Variants in MAML3 observed in about 807,000 individuals in gnomAD.
The protein encoded by MAML3 is mastermind-like protein 3.
Under a neutral mutation model 101.9 loss-of-function variants are expected in MAML3, and 27 were observed. The observed-to-expected ratio is 0.27, with a 90% CI of 0.20 to 0.37. The LOEUF (loss-of-function observed/expected upper bound fraction) is 0.37, where lower values mean the gene tolerates loss of function less well. Among genes scored for constraint, MAML3 ranks in the 10% least tolerant of loss-of-function variants. MAML3 has a pLI of 1.00. For missense variants in MAML3, 1,316 were observed against 1,444.9 expected (o/e 0.91, Z 1.45); for synonymous variants, 501 against 555.9 (o/e 0.90, Z 1.39).
At chr4:139,898,732 A>G (rs1361442581) in intron 1 of MAML3, among the ~76,000 whole-genome samples, 1 of 152,252 alleles carries the variant, frequency 6.6e-6, no homozygotes, top group Non-Finnish European at 1.5e-5. Flanking sequence ...CAATTATCAC[A>G]TGCTTATTCT....
At chr4:140,134,595 T>C (rs1285395384) in intron 1 of MAML3, 1 of 333,064 alleles carries the variant, frequency 3.0e-6, no homozygotes, top group Non-Finnish European at 5.9e-6. Flanking sequence ...GATGAGTGAT[T>C]AGAAAAACAC....
chr4:139,963,279 C>T (rs573060987), intron 1 of MAML3, among the ~76,000 whole-genome samples: 33 of 152,124 alleles, frequency 2.2e-4, no homozygotes, highest in Non-Finnish European at 3.4e-4. Flanking sequence ...AATAAATAAA[C>T]AAACACACAG....
intron 1 of MAML3, among the ~76,000 whole-genome samples, chr4:139,985,786 A>C (rs571654695): frequency 2.5e-4 from 38 of 152,378 alleles, no homozygotes; most frequent in African/African-American, 8.7e-4. Flanking sequence ...CTAGAATTCT[A>C]CCATGTGCTA....
intron 2 of MAML3, among the ~76,000 whole-genome samples, chr4:139,877,018 A>G (rs1201350453): frequency 1.3e-5 from 2 of 152,256 alleles, no homozygotes; most frequent in Non-Finnish European, 2.9e-5. Flanking sequence ...AAGAGCATTT[A>G]GAGAATGCAG....
intron 1 of MAML3, among the ~76,000 whole-genome samples, chr4:140,121,717 T>C (rs770042656): frequency 6.6e-6 from 1 of 152,342 alleles, no homozygotes; most frequent in African/African-American, 2.4e-5. Flanking sequence ...TAAAAGGTAC[T>C]GAAGGGAACT....
chr4:139,899,588 T>A (rs1355458195), intron 1 of MAML3, among the ~76,000 whole-genome samples: 6 of 152,110 alleles, frequency 3.9e-5, no homozygotes, highest in Admixed American at 3.9e-4. Context: ...AGTGACCACA[T>A]GCCACACATA....
intron 2 of MAML3, among the ~76,000 whole-genome samples, chr4:139,754,555 C>T (rs1729603895): frequency 6.6e-6 from 1 of 152,140 alleles, no homozygotes; most frequent in Non-Finnish European, 1.5e-5. Context: ...AATGAACATT[C>T]TTGTACATAA....
chr4:139,722,173 C>T (rs1359662411), intron 4 of MAML3, among the ~76,000 whole-genome samples: 1 of 152,142 alleles, frequency 6.6e-6, no homozygotes, highest in South Asian at 2.1e-4. Context: ...AGGGCAGAAG[C>T]GTTACAATGC....
chr4:139,731,169 T>C, intron 2 of MAML3: 1 of 162,922 alleles, frequency 6.1e-6, no homozygotes, highest in East Asian at 1.7e-4. Context: ...TTTGATGGAA[T>C]TCTAACGAGT....
Position 139,927,187 on chromosome 4 carries a change from G to C in MAML3, c.469-36220C>G, listed in dbSNP as rs1262879488. 2.0e-5 allele frequency among the ~76,000 whole-genome samples: 3 copies of C among 151,320 alleles called. No individual in the cohort carries two copies. The Admixed American group carries it at 2.0e-4, about 10-fold the overall frequency. Reference sequence around the variant, plus strand: ...GATCCACCCACCTTGGCCTCCCAAAGTGCTGGGGTTACAGGCGTGAGCCAC... The same window carrying C: ...GATCCACCCACCTTGGCCTCCCAAACTGCTGGGGTTACAGGCGTGAGCCAC... On this transcript the variant is annotated intron_variant, in intron 1 of 4. Coordinates refer to ENST00000509479, the MANE Select transcript of MAML3 (RefSeq NM_018717.5).
chr4:139,849,606 T>C (rs190656391), intron 2 of MAML3, among the ~76,000 whole-genome samples: 3 of 152,304 alleles, frequency 2.0e-5, no homozygotes, highest in African/African-American at 2.4e-5. Context: ...GGAGCCTCAG[T>C]AGGAAAGAAG....
intron 1 of MAML3, among the ~76,000 whole-genome samples, chr4:139,972,031 A>T: frequency 6.6e-6 from 1 of 152,346 alleles, no homozygotes; most frequent in Non-Finnish European, 1.5e-5. Flanking sequence ...TGTTCTTTTA[A>T]ATACACAAAA....
chr4:140,111,930 T>G (rs1728445097), intron 1 of MAML3, among the ~76,000 whole-genome samples: 1 of 152,232 alleles, frequency 6.6e-6, no homozygotes. Flanking sequence ...GTCTTCTTGA[T>G]CTTGACATTT....
intron 2 of MAML3, among the ~76,000 whole-genome samples, chr4:139,807,146 G>A (rs1183149739): frequency 3.3e-5 from 5 of 152,216 alleles, no homozygotes; most frequent in Admixed American, 3.3e-4. Flanking sequence ...GCCACTTGTT[G>A]GCTCTATGAC....
chr4:139,749,270 GA>G (rs1345690478), intron 2 of MAML3, among the ~76,000 whole-genome samples: 1 of 152,054 alleles, frequency 6.6e-6, no homozygotes, highest in Non-Finnish European at 1.5e-5. Context: ...CATTAACACA[GA>G]TTTCAAAAAC....
chr4:139,988,051 G>GAAGAAAAA (rs1734583278), intron 1 of MAML3, among the ~76,000 whole-genome samples: 1 of 127,228 alleles, frequency 7.9e-6, no homozygotes, highest in Non-Finnish European at 1.6e-5. Context: ...AAGGAAGAAA[G>GAAGAAAAA]AAGAAACAAG....
chr4:139,737,057 T>G (rs1257255020), intron 2 of MAML3, among the ~76,000 whole-genome samples: 20 of 152,192 alleles, frequency 1.3e-4, no homozygotes, highest in Admixed American at 1.3e-3. Context: ...GCAACTGTGC[T>G]GTGGAGGCTG....
chr4:139,976,059 A>C (rs1169291633), intron 1 of MAML3, among the ~76,000 whole-genome samples: 3 of 152,236 alleles, frequency 2.0e-5, no homozygotes, highest in Admixed American at 6.5e-5. Flanking sequence ...CTTCCTGCTT[A>C]CATTTCTGAG....
intron 1 of MAML3, among the ~76,000 whole-genome samples, chr4:139,905,506 A>AAAAAAAAAAAC (rs1313517199): frequency 6.6e-6 from 1 of 151,564 alleles, no homozygotes; most frequent in Non-Finnish European, 1.5e-5. Flanking sequence ...AAAAAAAAAA[A>AAAAAAAAAAAC]AATCAGTTAA....
Sources: gnomAD v4.1 joint callset for allele counts (sites outside exome capture counted in the v4.1 genomes callset) on GRCh38, gnomAD v4.1.1 for gene constraint, MANE v1.5 for transcripts, NCBI Gene and HGNC (gene_info 2026-07-23, HGNC 2026-07-21) for gene names.